TRERF1: variants seen among roughly 807,000 people sequenced by gnomAD.
TRERF1 encodes the protein transcriptional-regulating factor 1.
A neutral mutation model predicts 122.9 loss-of-function variants in TRERF1; 27 were observed. That is an observed-to-expected ratio of 0.22 (90% confidence interval 0.16 to 0.30). TRERF1 has a LOEUF of 0.30. Ranked by LOEUF, TRERF1 falls within the 10% of genes least tolerant of loss-of-function variation. The pLI is 1.00. For synonymous variants in TRERF1, 636 were observed against 641.7 expected (o/e 0.99, Z 0.13); for missense variants, 1,248 against 1,560.3 (o/e 0.80, Z 3.37).
chr6:42,239,299 G>T (rs920578663), intron 15 of TRERF1, among the ~76,000 whole-genome samples: 1 of 152,106 alleles, frequency 6.6e-6, no homozygotes, highest in South Asian at 2.1e-4. Flanking sequence ...GCTAAATTTT[G>T]ATCACAGCCA....
intron 3 of TRERF1, among the ~76,000 whole-genome samples, chr6:42,329,653 G>A (rs1764900882): frequency 6.6e-6 from 1 of 152,092 alleles, no homozygotes; most frequent in Non-Finnish European, 1.5e-5. Flanking sequence ...TCATTCTGGA[G>A]GCACACTACA....
chr6:42,259,553 G>A lies in TRERF1; in HGVS notation c.2055C>T (p.Ser685=). The change falls in exon 9 of 18, where the codon AGC becomes AGT. Residue 685 remains serine (S), a synonymous_variant. Coordinates refer to ENST00000372922, the Ensembl canonical transcript of TRERF1. This position sits in a 1 kb window ranked among gnomAD's most constrained non-coding sequence, Gnocchi z 4.9. ...CGAGGACGCGCGGGGAGCGCAGCTG[G>A]CTCTGGTACAGGGTGGCGCCCGAGT... 1 of 1,613,748 alleles carries A rather than the reference G, an allele frequency of 6.2e-7. No homozygotes were observed. Among genetic ancestry groups the A allele is most frequent in the Non-Finnish European group, 8.5e-7 (1 of 1,179,858 alleles).
intron 3 of TRERF1, among the ~76,000 whole-genome samples, chr6:42,346,632 A>G (rs1020296561): frequency 1.3e-5 from 2 of 152,184 alleles, no homozygotes; most frequent in Non-Finnish European, 2.9e-5. Context: ...AGGGAAAAGG[A>G]ATTTCAAAAG....
At chr6:42,249,005 A>G (rs1007641035) in intron 13 of TRERF1, among the ~76,000 whole-genome samples, 3 of 152,240 alleles carry the variant, frequency 2.0e-5, no homozygotes, top group Non-Finnish European at 4.4e-5. Context: ...GGTTCCTTTT[A>G]GGTATCCACC....
At chr6:42,401,141 G>C (rs1172389035) in intron 2 of TRERF1, among the ~76,000 whole-genome samples, 1 of 152,188 alleles carries the variant, frequency 6.6e-6, no homozygotes, top group Non-Finnish European at 1.5e-5. Context: ...GGGAAGGGCA[G>C]GTATTCTATG....
At chr6:42,339,009 C>G (rs752969050) in intron 3 of TRERF1, among the ~76,000 whole-genome samples, 1 of 152,204 alleles carries the variant, frequency 6.6e-6, no homozygotes, top group Non-Finnish European at 1.5e-5. Flanking sequence ...TTTTTCCCAG[C>G]CTTTCTTGCA....
chr6:42,362,058 C>T (rs985421117), intron 3 of TRERF1, among the ~76,000 whole-genome samples: 2 of 152,192 alleles, frequency 1.3e-5, no homozygotes, highest in South Asian at 2.1e-4. Flanking sequence ...GTAACAGCTC[C>T]CTGACACTGC....
At chr6:42,436,834 T>A (rs1302277016) in intron 2 of TRERF1, among the ~76,000 whole-genome samples, 1 of 140,900 alleles carries the variant, frequency 7.1e-6, no homozygotes, top group Non-Finnish European at 1.5e-5. Flanking sequence ...TATATATATA[T>A]ATATATATAT....
intron 3 of TRERF1, among the ~76,000 whole-genome samples, chr6:42,311,765 C>CAAAAAAAAAA (rs10530333): frequency 2.9e-5 from 1 of 34,572 alleles, no homozygotes; most frequent in African/African-American, 8.2e-5. Flanking sequence ...GACTCCGTCT[C>CAAAAAAAAAA]AAAAAAAAAA....
At chr6:42,320,398 A>T (rs942644139) in intron 3 of TRERF1, among the ~76,000 whole-genome samples, 2 of 152,324 alleles carry the variant, frequency 1.3e-5, no homozygotes, top group East Asian at 1.9e-4. Context: ...AGATTCAAGA[A>T]GGGTTGAGAT....
intron 2 of TRERF1, among the ~76,000 whole-genome samples, chr6:42,381,211 G>A (rs1775848387): frequency 6.6e-6 from 1 of 152,080 alleles, no homozygotes; most frequent in Non-Finnish European, 1.5e-5. Context: ...GGCAGGGGCT[G>A]TGCTGCCCCC....
intron 3 of TRERF1, among the ~76,000 whole-genome samples, chr6:42,323,850 G>A (rs539579844): frequency 1.2e-3 from 176 of 152,340 alleles, no homozygotes; most frequent in African/African-American, 3.9e-3. Flanking sequence ...GCCACAGGAG[G>A]AGTGAGAGAT....
At chr6:42,346,583 AGAAAGAGGAG>A (rs1016147165) in intron 3 of TRERF1, among the ~76,000 whole-genome samples, 63 of 152,288 alleles carry the variant, frequency 4.1e-4, no homozygotes, top group African/African-American at 1.5e-3. Flanking sequence ...TGGAGAAGGC[AGAAAGAGGAG>A]GAAAGAGGCC....
At chr6:42,289,347 C>CAAAAA (rs752960127) in intron 4 of TRERF1, among the ~76,000 whole-genome samples, 1 of 112,268 alleles carries the variant, frequency 8.9e-6, no homozygotes, top group African/African-American at 3.1e-5. Flanking sequence ...AACAAACAAA[C>CAAAAA]AAAAAAAAAA....
intron 2 of TRERF1, among the ~76,000 whole-genome samples, chr6:42,431,059 CAAA>C (rs535412294): frequency 4.4e-5 from 3 of 68,692 alleles, no homozygotes; most frequent in Admixed American, 1.7e-4. Flanking sequence ...GACTCAGTCT[CAAA>C]AAAAAAAAAA....
chr6:42,245,090 T>C (rs1438109299), intron 14 of TRERF1, among the ~76,000 whole-genome samples: 1 of 152,182 alleles, frequency 6.6e-6, no homozygotes, highest in African/African-American at 2.4e-5. Flanking sequence ...ACAGTGCCCG[T>C]CCCAGAGAGC....
At chr6:42,264,636 T>A in intron 7 of TRERF1, 68 bp downstream of exon 7, 1 of 1,578,916 alleles carries the variant, frequency 6.3e-7, no homozygotes, top group Non-Finnish European at 8.6e-7. Flanking sequence ...TCACTCTCTG[T>A]CTGACGGCAG....
intron 2 of TRERF1, among the ~76,000 whole-genome samples, chr6:42,379,371 A>G (rs1045683608): frequency 5.3e-5 from 8 of 151,994 alleles, no homozygotes; most frequent in Non-Finnish European, 1.2e-4. Flanking sequence ...TCCTTTTCCT[A>G]TAGAGGAGAC....
rs140992460 is a variant in TRERF1, at chr6:42,278,681, C to T, written c.-258-8833G>A. Among the ~76,000 whole-genome samples, 6 of 152,280 alleles carry T rather than the reference C, an allele frequency of 3.9e-5. No individual in the cohort carries two copies. In the East Asian group the frequency reaches 1.2e-3, roughly 29 times the overall value. On this transcript the variant is annotated intron_variant, in intron 4 of 17. Coordinates refer to ENST00000372922, the Ensembl canonical transcript of TRERF1. ...GCGGTGAGGTTGACAGATGATCCAG[C>T]TGAAAGGTCTGCAGAAAGAAGATGG...
Sources: allele counts gnomAD v4.1 joint callset (sites outside exome capture counted in the v4.1 genomes callset), GRCh38; gene constraint gnomAD v4.1.1; non-coding constraint Gnocchi (gnomAD v3.1); transcripts MANE v1.5; gene names NCBI Gene and HGNC (gene_info 2026-07-23, HGNC 2026-07-21).